DKK3: variants seen among roughly 807,000 people sequenced by gnomAD.
DKK3 encodes dickkopf Wnt signaling pathway inhibitor 3.
In DKK3, 22 loss-of-function variants were observed where a neutral mutation model predicts 33.2. That is an observed-to-expected ratio of 0.66 (90% CI 0.47 to 0.95). The LOEUF is 0.95. DKK3 is among the 40% of genes least tolerant of loss of function. The pLI is 0.00. For missense variants in DKK3, 398 were observed against 458.4 expected, an observed-to-expected ratio of 0.87 and a Z score of 1.20; for synonymous variants, 194 against 188.8, an observed-to-expected ratio of 1.03 and a Z score of -0.23.
At position 11,964,531 on chromosome 11, in the gene DKK3, G is replaced by A. The variant is rs772271847; in HGVS notation, c.986C>T (p.Thr329Ile). Residue 329 changes from threonine to isoleucine, a missense_variant, in exon 7 of 7, where the codon ACT becomes ATT. Physicochemically the swap from Thr to Ile is moderately conservative, Grantham distance 89. Coordinates refer to ENST00000683431, the MANE Select transcript of DKK3 (RefSeq NM_001018057.2). ...QELEDLERSLTEEMALREPAA... is the reference protein window; with the variant it reads ...QELEDLERSLIEEMALREPAA... ...AGGCTCCCTCAGCGCCATCTCTTCAGTCAGGCTCCTCTCCAGGTCCTCCAG... is the reference window on the plus strand; with the variant it reads ...AGGCTCCCTCAGCGCCATCTCTTCAATCAGGCTCCTCTCCAGGTCCTCCAG... The A allele has an allele frequency of 1.9e-6, 3 of 1,614,094 alleles. No individual in the cohort carries two copies. Among genetic ancestry groups the A allele is most frequent in the Non-Finnish European group, 2.5e-6 (3 of 1,180,026 alleles).
chr11:12,005,968 T>A (rs541597286), intron 1 of DKK3, among the ~76,000 whole-genome samples: 2 of 152,344 alleles, frequency 1.3e-5, no homozygotes, highest in East Asian at 3.9e-4. Context: ...TATCAGACAC[T>A]GGTGGTGTTT....
chr11:11,964,692 G>A lies in DKK3; in HGVS notation c.831-6C>T, dbSNP rs747101046. On this transcript the variant is annotated splice_region_variant and splice_polypyrimidine_tract_variant and intron_variant, in intron 6 of 6. Coordinates refer to ENST00000683431, the MANE Select transcript of DKK3 (RefSeq NM_001018057.2). ...ACACATACACCAGGCTGTGGCTGGG[G>A]AGAGATGGGACAAAGCCAGGCTCTA... The A allele has an allele frequency of 6.2e-7, 1 of 1,612,082 alleles. No individual in the cohort carries two copies. The highest frequency in any genetic ancestry group is 1.1e-5 in the South Asian group (1 of 90,848).
chr11:11,994,497 C>A (rs1451189169), intron 3 of DKK3: 2 of 152,278 alleles, frequency 1.3e-5, no homozygotes, highest in African/African-American at 2.4e-5. Context: ...CTCCCTGGAC[C>A]TTGCAGGTCT....
chr11:11,991,963 T>A (rs997406078), intron 3 of DKK3, among the ~76,000 whole-genome samples: 4 of 152,222 alleles, frequency 2.6e-5, no homozygotes, highest in African/African-American at 7.2e-5. Context: ...TATGCATCCA[T>A]ATTGTAATGA....
intron 3 of DKK3, among the ~76,000 whole-genome samples, chr11:11,969,615 C>A (rs181420422): frequency 2.6e-5 from 4 of 152,238 alleles, no homozygotes; most frequent in Middle Eastern, 3.4e-3. Context: ...GCCCAGCAGA[C>A]CTTCTGGAAG....
intron 3 of DKK3, among the ~76,000 whole-genome samples, chr11:11,990,281 A>C (rs554998350): frequency 6.6e-6 from 1 of 152,340 alleles, no homozygotes; most frequent in South Asian, 2.1e-4. Context: ...GACACCATCA[A>C]CCTAATGAGA....
intron 2 of DKK3, among the ~76,000 whole-genome samples, chr11:11,999,506 T>C (rs1848377298): frequency 6.6e-6 from 1 of 152,186 alleles, no homozygotes; most frequent in Non-Finnish European, 1.5e-5. Flanking sequence ...GTGCCGATAA[T>C]CCCAGCTACT....
intron 3 of DKK3, among the ~76,000 whole-genome samples, chr11:11,989,868 C>G (rs1848152374): frequency 6.6e-6 from 1 of 152,132 alleles, no homozygotes; most frequent in East Asian, 1.9e-4. Flanking sequence ...ATAATTTTCT[C>G]TGAGCCTCAG....
At chr11:11,991,562 CA>C (rs142896768) in intron 3 of DKK3, among the ~76,000 whole-genome samples, 7,668 of 151,852 alleles carry the variant, frequency 0.05, 351 homozygotes, top group African/African-American at 0.13. Context: ...TCTACAAAAA[CA>C]AAAAAACAGA....
chr11:11,999,177 T>A (rs903014), intron 2 of DKK3, among the ~76,000 whole-genome samples: 1 of 152,096 alleles, frequency 6.6e-6, no homozygotes, highest in African/African-American at 2.4e-5. Flanking sequence ...TTGAACATCT[T>A]TCATGAAAAG....
At chr11:12,003,133 T>A (rs1848465319) in intron 1 of DKK3, among the ~76,000 whole-genome samples, 1 of 152,254 alleles carries the variant, frequency 6.6e-6, no homozygotes, top group Non-Finnish European at 1.5e-5. Flanking sequence ...TTCATCACAC[T>A]TTCCCACTTC....
At chr11:11,979,594 A>C (rs374054808) in intron 3 of DKK3, 36 of 152,172 alleles carry the variant, frequency 2.4e-4, no homozygotes, top group South Asian at 1.5e-3. Flanking sequence ...GTGAGGAGGG[A>C]CTCTGGTGGT....
chr11:11,969,946 G>A (rs1166223289), intron 3 of DKK3, among the ~76,000 whole-genome samples: 2 of 152,218 alleles, frequency 1.3e-5, no homozygotes, highest in East Asian at 1.9e-4. Context: ...GTGAACGGCC[G>A]CCCAAGTGAA....
At chr11:12,003,824 C>T (rs1848481321) in intron 1 of DKK3, among the ~76,000 whole-genome samples, 1 of 151,902 alleles carries the variant, frequency 6.6e-6, no homozygotes, top group Non-Finnish European at 1.5e-5. Flanking sequence ...CTAGATGAGC[C>T]CCTGCTTTAA....
In DKK3 at chr11:11,991,597, C is replaced by T. The variant is rs551140842; in HGVS notation, c.435+7099G>A. On this transcript the variant is annotated intron_variant, in intron 3 of 6. Coordinates refer to ENST00000683431, the MANE Select transcript of DKK3 (RefSeq NM_001018057.2). ...GAAAAAAGCCTGGCACCTCTCCTCTCTCTCTCTCTGTCTCTCTCCTCCCTC... is the reference window on the plus strand; with the variant it reads ...GAAAAAAGCCTGGCACCTCTCCTCTTTCTCTCTCTGTCTCTCTCCTCCCTC... Among the ~76,000 whole-genome samples the T allele has an allele frequency of 1.3e-4, 20 of 152,206 alleles. No homozygotes were observed. In the East Asian group the frequency reaches 3.5e-3, roughly 27 times the overall value.
intron 1 of DKK3, among the ~76,000 whole-genome samples, chr11:12,006,068 C>T (rs1848530048): frequency 6.6e-6 from 1 of 152,170 alleles, no homozygotes; most frequent in Non-Finnish European, 1.5e-5. Context: ...TTACAGCCAC[C>T]TCACAATGAA....
chr11:11,994,314 A>G (rs961012041), intron 3 of DKK3, among the ~76,000 whole-genome samples: 1 of 152,022 alleles, frequency 6.6e-6, no homozygotes, highest in African/African-American at 2.4e-5. Context: ...AAGGGGGATT[A>G]TTAGCCCCAT....
chr11:11,982,104 C>T (rs898391131), intron 3 of DKK3, among the ~76,000 whole-genome samples: 13 of 152,118 alleles, frequency 8.5e-5, no homozygotes, highest in African/African-American at 3.1e-4. Flanking sequence ...AAAAAATAAG[C>T]GTTCTGGGCA....
At chr11:12,003,954 A>G (rs1273012316) in intron 1 of DKK3, among the ~76,000 whole-genome samples, 1 of 152,212 alleles carries the variant, frequency 6.6e-6, no homozygotes, top group Non-Finnish European at 1.5e-5. Context: ...CTCAACAAGG[A>G]CTTAGTCAGT....
Sources: allele counts gnomAD v4.1 joint callset (sites outside exome capture counted in the v4.1 genomes callset), GRCh38; gene constraint gnomAD v4.1.1; transcripts MANE v1.5; gene names NCBI Gene and HGNC (gene_info 2026-07-23, HGNC 2026-07-21).